The following SNRK variants were observed in gnomAD, a reference collection of about 807,000 sequenced individuals.
SNRK encodes the protein SNF-related serine/threonine-protein kinase.
In SNRK, 3 loss-of-function variants were observed where a neutral mutation model predicts 48.2. The ratio of observed to expected loss-of-function variants is 0.06; its 90% CI spans 0.03 to 0.16. The LOEUF (loss-of-function observed/expected upper bound fraction) is 0.16. SNRK is among the 10% of genes least tolerant of loss of function. SNRK has a pLI of 1.00. For missense variants in SNRK, 627 were observed against 976.0 expected (o/e 0.64, Z 4.76); for synonymous variants, 376 against 366.1 (o/e 1.03, Z -0.31).
In SNRK at chr3:43,347,098, T is replaced by A. The variant is rs911293540; in HGVS notation, c.1080-241T>A. Reference sequence around the variant, plus strand: ...TAGCTCTTTGCCCTATTTTCTTTTCTGACACCTGTGATGAAGTTTTCACTT... The same window carrying A: ...TAGCTCTTTGCCCTATTTTCTTTTCAGACACCTGTGATGAAGTTTTCACTT... On this transcript the variant is annotated intron_variant, in intron 6 of 6. Transcript: ENST00000296088. This position sits in a 1 kb window ranked among gnomAD's most constrained non-coding sequence, Gnocchi z 5.4. 18 of 430,890 alleles carry A rather than the reference T, an allele frequency of 4.2e-5. No homozygotes were observed. The highest frequency in any genetic ancestry group is 2.1e-4 in the East Asian group (6 of 28,876). 26.7% of individuals were successfully genotyped at this position (430,890 alleles called of 1,614,324 possible).
intron 5 of SNRK, 73 bp downstream of exon 5, chr3:43,340,572 A>G: frequency 1.5e-6 from 2 of 1,324,520 alleles, no homozygotes; most frequent in South Asian, 2.5e-5. Context: ...TACTTAACAC[A>G]GCCTTTGGAC....
rs539417558 is a variant in SNRK at position 43,350,356 on chromosome 3, G to C, written c.*1799G>C. On this transcript the variant is annotated 3_prime_UTR_variant, in exon 7 of 7. Transcript: ENST00000296088. ...TAACATCTGTATTAAACATAGGAGA[G>C]AAGTTTATAAAGGGCATTGGCAATA... 1 of 152,734 alleles carries C rather than the reference G, an allele frequency of 6.5e-6. No individual in the cohort carries two copies. The highest frequency in any genetic ancestry group is 6.5e-5 in the Admixed American group (1 of 15,300). 9.5% of individuals were successfully genotyped at this position (152,734 alleles called of 1,614,324 possible).
chr3:43,340,513 C>T lies in SNRK; in HGVS notation c.944+14C>T, dbSNP rs376372798. On this transcript the variant is annotated intron_variant, in intron 5 of 6. Transcript: ENST00000296088. The stretch of plus-strand genomic sequence containing the variant: ...CGCCATTGTAGAGTACGTCAATGCC[C>T]GTCAGTACAGAGGGCCACAGGTTTA... 85 of 1,610,772 alleles carry T rather than the reference C, an allele frequency of 5.3e-5. No homozygotes were observed. In the African/African-American group the frequency reaches 8.4e-4, roughly 16 times the overall value.
intron 3 of SNRK, among the ~76,000 whole-genome samples, chr3:43,304,360 T>C (rs538121309): frequency 6.6e-6 from 1 of 152,308 alleles, no homozygotes; most frequent in Admixed American, 6.5e-5. Context: ...GGGGTTGTTA[T>C]TGTCTATCTC....
At chr3:43,334,475 T>A (rs1037161307) in intron 4 of SNRK, among the ~76,000 whole-genome samples, 11 of 151,740 alleles carry the variant, frequency 7.2e-5, no homozygotes, top group Non-Finnish European at 1.2e-4. Context: ...AAAAAAAAAA[T>A]TATTGGGACT....
At position 43,348,140 on chromosome 3, in the gene SNRK, C is replaced by T. The variant is rs747466282; in HGVS notation, c.1881C>T (p.Ala627=). The change falls in exon 7 of 7, where the codon GCC becomes GCT. Residue 627 remains alanine (A), a synonymous_variant. Coordinates refer to ENST00000296088, the MANE Select transcript of SNRK (RefSeq NM_017719.5). The part of the protein sequence containing the change: ...TNTSGTTRRC[A]GPSNSMQLAS... The stretch of plus-strand genomic sequence containing the variant: ...CATCGGGTACCACACGCCGCTGTGC[C>T]GGCCCCAGCAACTCCATGCAGCTGG... The T allele has an allele frequency of 2.9e-5, 45 of 1,578,936 alleles. 1 individual carries two copies. The highest frequency in any genetic ancestry group is 1.1e-4 in the Admixed American group (6 of 55,300).
intron 3 of SNRK, among the ~76,000 whole-genome samples, chr3:43,324,956 T>G (rs1452160135): frequency 6.6e-6 from 1 of 152,232 alleles, no homozygotes; most frequent in African/African-American, 2.4e-5. Flanking sequence ...ATAATGTATC[T>G]TCTGTTAAAG....
At chr3:43,313,911 C>T (rs750048278) in intron 3 of SNRK, among the ~76,000 whole-genome samples, 2 of 152,002 alleles carry the variant, frequency 1.3e-5, no homozygotes, top group Non-Finnish European at 2.9e-5. Flanking sequence ...GGCAAGTATC[C>T]CAGTGTGAGT....
At chr3:43,296,415 C>CATATATATATATATATATATATATATGT (rs371078181) in intron 1 of SNRK, among the ~76,000 whole-genome samples, 1 of 127,242 alleles carries the variant, frequency 7.9e-6, no homozygotes, top group African/African-American at 3.4e-5. Context: ...GATATACTGG[C>CATATATATATATATATATATATATATGT]ATATATATAT....
rs774616037 is a variant in SNRK, at chr3:43,348,576, G to C, written c.*19G>C. The C allele has an allele frequency of 6.6e-7, 1 of 1,514,298 alleles. No homozygotes were observed. The highest frequency in any genetic ancestry group is 1.4e-5 in the African/African-American group (1 of 71,520). 93.8% of individuals were successfully genotyped at this position (1,514,298 alleles called of 1,614,324 possible). A position where few individuals can be genotyped will look rare whatever the true frequency, so the allele number is the denominator to read the frequency against. ...CATCTGACTGTGGCCCCATCTGGCC[G>C]CTAGCACGCTTCCTGCTCAGAGCAG... On this transcript the variant is annotated 3_prime_UTR_variant, in exon 7 of 7. Coordinates refer to ENST00000296088, the MANE Select transcript of SNRK (RefSeq NM_017719.5).
chr3:43,323,843 A>G (rs2091073706), intron 3 of SNRK, among the ~76,000 whole-genome samples: 2 of 152,286 alleles, frequency 1.3e-5, no homozygotes, highest in East Asian at 3.9e-4. Context: ...ATTGAGAAAA[A>G]CAGAGACTAC....
Position 43,343,429 on chromosome 3 carries a change from G to C in SNRK, c.1030G>C (p.Glu344Gln). The change falls in exon 6 of 7, where the codon GAA (glutamate) becomes CAA (glutamine). Residue 344 changes from glutamate (E) to glutamine (Q), a missense_variant. By Grantham distance (29) the Glu-to-Gln change is conservative (BLOSUM62 2). This residue lies in a region of SNRK where 175 missense variants were observed against 209.7 expected (regional missense o/e 0.83). Transcript: ENST00000296088. ...GATCCTGAGAGAAAAGCAAGAGAAA[G>C]AAATACAGACCAGATCTGCAAGCCC... is the stretch of plus-strand genomic sequence containing the variant. ...ERILREKQEK[E>Q]IQTRSASPSN... 6.2e-7 allele frequency: 1 copy of C among 1,613,868 alleles called. No individual in the cohort carries two copies. The highest frequency in any genetic ancestry group is 8.5e-7 in the Non-Finnish European group (1 of 1,179,962).
At chr3:43,312,008 A>C (rs1461742512) in intron 3 of SNRK, among the ~76,000 whole-genome samples, 1 of 152,178 alleles carries the variant, frequency 6.6e-6, no homozygotes, top group African/African-American at 2.4e-5. Context: ...TTTCCTAAAA[A>C]TTCTTATTTT....
chr3:43,321,137 TTGGGTTTACCATC>T (rs2091050421), intron 3 of SNRK, among the ~76,000 whole-genome samples: 1 of 152,248 alleles, frequency 6.6e-6, no homozygotes, highest in Admixed American at 6.5e-5. Context: ...TAAGAATTTC[TTGGGTTTACCATC>T]TAGCTTCAGT....
chr3:43,300,246 G>T (rs1410007476), intron 2 of SNRK, among the ~76,000 whole-genome samples: 2 of 151,930 alleles, frequency 1.3e-5, no homozygotes, highest in Non-Finnish European at 2.9e-5. Flanking sequence ...ATTTCACTGT[G>T]CCCTCTTGCT....
Position 43,347,805 on chromosome 3 carries a change from A to G in SNRK, c.1546A>G (p.Ile516Val). The G allele has an allele frequency of 1.2e-6, 2 of 1,614,184 alleles. No homozygotes were observed. Among genetic ancestry groups the G allele is most frequent in the Non-Finnish European group, 1.7e-6 (2 of 1,180,044 alleles). Residue 516 changes from isoleucine (I) to valine (V), a missense_variant, in exon 7 of 7, where the codon ATA becomes GTA. Transcript: ENST00000296088. The surrounding 1 kb of genome is among the most constrained non-coding windows in gnomAD (Gnocchi z 5.4). ...CAAGTTGAGCAGGTTAAAGATGAAT[A>G]TAGCTTCTCCAGGTACAGTTCACAA... Reference protein sequence around the residue: ...PPKLSRLKMNIASPGTVHKRY... With the variant: ...PPKLSRLKMNVASPGTVHKRY...
chr3:43,343,110 C>G (rs2091249965), intron 5 of SNRK: 1 of 433,548 alleles, frequency 2.3e-6, no homozygotes, highest in African/African-American at 2.1e-5. Context: ...GGATTTTTCT[C>G]TCATTTACGA....
chr3:43,286,837 G>A (rs1331577157), intron 1 of SNRK, among the ~76,000 whole-genome samples, 162 bp downstream of exon 1: 1 of 146,002 alleles, frequency 6.8e-6, no homozygotes, highest in African/African-American at 2.5e-5. Context: ...GCCGGCCGCA[G>A]CGCGCGGCCC....
intron 5 of SNRK, among the ~76,000 whole-genome samples, chr3:43,342,821 C>T (rs979610675): frequency 6.6e-6 from 1 of 152,192 alleles, no homozygotes; most frequent in Non-Finnish European, 1.5e-5. Flanking sequence ...TTGATGGTGA[C>T]ATGCTTTCAA....
Sources: gnomAD v4.1 joint callset for allele counts (sites outside exome capture counted in the v4.1 genomes callset) on GRCh38, gnomAD v4.1.1 for gene constraint, gnomAD v4.1.1 regional missense constraint, Gnocchi (gnomAD v3.1) non-coding constraint, MANE v1.5 for transcripts, NCBI Gene and HGNC (gene_info 2026-07-23, HGNC 2026-07-21) for gene names.